The following PLA2R1 variants were observed in gnomAD, a reference collection of about 807,000 sequenced individuals.
PLA2R1 encodes the protein phospholipase A2 receptor 1.
A neutral mutation model predicts 195.9 loss-of-function variants in PLA2R1; 158 were observed. The observed-to-expected ratio is 0.81, with a 90% CI of 0.71 to 0.92. The LOEUF (loss-of-function observed/expected upper bound fraction) is 0.92. Ranked by LOEUF, PLA2R1 falls within the 40% of genes least tolerant of loss-of-function variation. The pLI, the probability that PLA2R1 is intolerant of heterozygous loss-of-function variation, is 0.00. For synonymous variants in PLA2R1, 586 were observed against 598.2 expected (o/e 0.98, Z 0.30); for missense variants, 1,626 against 1,764.6 (o/e 0.92, Z 1.41).
At chr2:159,927,967 T>A (rs1686524322), downstream of PLA2R1, among the ~76,000 whole-genome samples, 3 of 152,340 alleles carry the variant, frequency 2.0e-5, no homozygotes, top group South Asian at 4.1e-4. Flanking sequence ...AGATTTGTGA[T>A]CTCTCAAATA....
chr2:159,948,642 C>CAAAAA (rs56329076), intron 25 of PLA2R1, among the ~76,000 whole-genome samples: 2 of 95,774 alleles, frequency 2.1e-5, no homozygotes, highest in Admixed American at 1.2e-4. Flanking sequence ...CAAGTGCTAA[C>CAAAAA]AAAAAAAAAA....
At chr2:159,977,518 A>T (rs1352276642) in intron 14 of PLA2R1, 102 bp from the exon 15 acceptor site, 8 of 885,008 alleles carry the variant, frequency 9.0e-6, no homozygotes, top group Non-Finnish European at 1.4e-5. Context: ...AGGCTACTCC[A>T]GGAAGCTTCA....
intron 25 of PLA2R1, among the ~76,000 whole-genome samples, chr2:159,947,876 G>A (rs1272134536): frequency 6.7e-6 from 1 of 148,806 alleles, no homozygotes; most frequent in Admixed American, 6.7e-5. Flanking sequence ...GAACAAGCAG[G>A]GGCTATGACT....
At chr2:160,019,734 T>C (rs955790732) in intron 8 of PLA2R1, among the ~76,000 whole-genome samples, 1 of 152,234 alleles carries the variant, frequency 6.6e-6, no homozygotes, top group African/African-American at 2.4e-5. Context: ...TGGCAAGTCT[T>C]GGTCTGCCTT....
rs1686918097 is a variant in PLA2R1 at position 159,938,092 on chromosome 2, T to C, written c.*3686A>G. 6.6e-6 allele frequency: 1 copy of C among 152,192 alleles called. No homozygotes were observed. 9.4% of individuals were successfully genotyped at this position (152,192 alleles called of 1,614,324 possible). On this transcript the variant is annotated 3_prime_UTR_variant, in exon 30 of 30. Transcript: ENST00000283243. ...ATACATGAAGATTCTGGAAATTAAG[T>C]TTCTTAAATACCCATGCTCCTGTAT...
rs180756336 is a variant in PLA2R1, at chr2:160,005,233, T to C, written c.1834+419A>G. Among the ~76,000 whole-genome samples, 428 of 152,196 alleles carry C rather than the reference T, an allele frequency of 2.8e-3. 1 individual carries two copies. The highest frequency in any genetic ancestry group is 4.5e-3 in the Non-Finnish European group (309 of 68,004). The stretch of plus-strand genomic sequence containing the variant: ...ACTTTGGGAGGCCAAGGTGGGAGGA[T>C]TGCTTGAGCCCAGGAGTTCAATATC... On this transcript the variant is annotated intron_variant, in intron 11 of 29. Transcript: ENST00000283243.
At chr2:159,975,824 CAA>C (rs1205443398) in intron 17 of PLA2R1, among the ~76,000 whole-genome samples, 4 of 151,866 alleles carry the variant, frequency 2.6e-5, no homozygotes, top group Non-Finnish European at 5.9e-5. Context: ...TTGTTGCTAA[CAA>C]AGAATGAAGA....
At chr2:159,958,638 C>A (rs951330928) in intron 20 of PLA2R1, among the ~76,000 whole-genome samples, 1 of 152,148 alleles carries the variant, frequency 6.6e-6, no homozygotes, top group Non-Finnish European at 1.5e-5. Flanking sequence ...AGACAACAGA[C>A]CCTAAAATGG....
At chr2:159,942,584 T>A (rs1172717524) in intron 28 of PLA2R1, among the ~76,000 whole-genome samples, 7 of 152,228 alleles carry the variant, frequency 4.6e-5, no homozygotes, top group Non-Finnish European at 1.0e-4. Context: ...GGATCTTATA[T>A]GGAGTTTGTC....
rs375112412 is a variant in PLA2R1, at chr2:159,939,506, A to G, written c.*2272T>C. On this transcript the variant is annotated 3_prime_UTR_variant, in exon 30 of 30. Transcript: ENST00000283243. ...GGCAACAGAGCAAGACTCCATCTCC[A>G]AAAAAAAAAAAAAAAAATGAAAAAA... 1.3e-5 allele frequency: 1 copy of G among 77,034 alleles called. No homozygotes were observed. Among genetic ancestry groups the G allele is most frequent in the African/African-American group, 4.5e-5 (1 of 22,446 alleles). The allele number at this position is 77,034 out of a possible 1,614,324, so 4.8% of individuals were successfully genotyped here. A position where few individuals can be genotyped will look rare whatever the true frequency, so the allele number is the denominator to read the frequency against.
intron 20 of PLA2R1, among the ~76,000 whole-genome samples, chr2:159,960,056 C>G (rs1431707472): frequency 6.6e-6 from 1 of 152,156 alleles, no homozygotes; most frequent in African/African-American, 2.4e-5. Context: ...TTTCCCACTG[C>G]TCTTAGGATA....
At chr2:159,967,343 T>C (rs532639037) in intron 20 of PLA2R1, among the ~76,000 whole-genome samples, 196 bp downstream of exon 20, 1 of 152,286 alleles carries the variant, frequency 6.6e-6, no homozygotes, top group Non-Finnish European at 1.5e-5. Context: ...GTCCAGGCTG[T>C]TTTTGACAAA....
In PLA2R1 at chr2:160,013,330, G is replaced by A. The variant is rs539119852; in HGVS notation, c.1597C>T (p.Leu533Phe). Reference protein sequence around the residue: ...GGFCYKIDTVLRSFDQASSGY... With the variant: ...GGFCYKIDTVFRSFDQASSGY... ...CTGGAAGCTTGGTCAAAGCTTCGAA[G>A]GACTGTGTCAATTTTGTAACAGAAT... is the stretch of plus-strand genomic sequence containing the variant. Residue 533 changes from leucine (L) to phenylalanine (F), a missense_variant, in exon 10 of 30, where the codon CTT becomes TTT. Coordinates refer to ENST00000283243, the MANE Select transcript of PLA2R1 (RefSeq NM_007366.5). 2.5e-6 allele frequency: 4 copies of A among 1,611,200 alleles called. No individual in the cohort carries two copies. Among genetic ancestry groups the A allele is most frequent in the African/African-American group, 1.3e-5 (1 of 74,972 alleles).
rs1464233313 is a variant in PLA2R1 at position 160,042,792 on chromosome 2, TGTGTGTGC to T, written c.494-602_494-595del. 1.2e-4 allele frequency among the ~76,000 whole-genome samples: 9 copies of T among 77,756 alleles called. No homozygotes were observed. In the East Asian group the frequency reaches 3.6e-3, roughly 31 times the overall value. 51.0% of individuals were successfully genotyped at this position (77,756 alleles called of 152,430 possible). A position where few individuals can be genotyped will look rare whatever the true frequency, so the allele number is the denominator to read the frequency against. On this transcript the variant is annotated intron_variant, in intron 2 of 29. Transcript: ENST00000283243. ...TAGGATGAGAAGACAGAGTGGGGTG[TGTGTGTGC>T]GTGTGTGTGTGTGTGTGTGTGTGTG...
In PLA2R1 at chr2:160,042,215, T is replaced by C. The variant is rs1325201782; in HGVS notation, c.494-17A>G. The stretch of plus-strand genomic sequence containing the variant: ...TATGCAAATCTAGGAGAAAGAAATG[T>C]ACAAAGTCAGATAAGTATGATGTCA... On this transcript the variant is annotated splice_polypyrimidine_tract_variant and intron_variant, in intron 2 of 29. Coordinates refer to ENST00000283243, the MANE Select transcript of PLA2R1 (RefSeq NM_007366.5). 5 of 1,605,474 alleles carry C rather than the reference T, an allele frequency of 3.1e-6. No homozygotes were observed. Among genetic ancestry groups the C allele is most frequent in the South Asian group, 1.1e-5 (1 of 90,420 alleles).
rs1248911739 is a variant in PLA2R1 at position 159,944,893 on chromosome 2, T to C, written c.4144+13A>G. The C allele has an allele frequency of 1.7e-5, 27 of 1,597,842 alleles. No homozygotes were observed. The highest frequency in any genetic ancestry group is 3.3e-5 in the Admixed American group (2 of 59,838). Reference sequence around the variant, plus strand: ...AGAATCAAAATGAAGAATTACTCTCTGACTTTACCTACCTGCCTCCATTTT... The same window carrying C: ...AGAATCAAAATGAAGAATTACTCTCCGACTTTACCTACCTGCCTCCATTTT... On this transcript the variant is annotated intron_variant, in intron 28 of 29. Coordinates refer to ENST00000283243, the MANE Select transcript of PLA2R1 (RefSeq NM_007366.5).
chr2:160,006,201 C>T (rs1457612716), intron 10 of PLA2R1, among the ~76,000 whole-genome samples: 1 of 152,040 alleles, frequency 6.6e-6, no homozygotes, highest in African/African-American at 2.4e-5. Flanking sequence ...ACAATATGCA[C>T]GGGGTAAAGG....
chr2:159,947,209 C>T (rs1687444866), intron 26 of PLA2R1, among the ~76,000 whole-genome samples: 1 of 152,192 alleles, frequency 6.6e-6, no homozygotes, highest in Non-Finnish European at 1.5e-5. Context: ...GAGACATCAT[C>T]TTAGGTTTCC....
Position 159,970,230 on chromosome 2 carries a change from G to A in PLA2R1, c.2596-18C>T, listed in dbSNP as rs778403942. ...TTTGATAGCTATTGAAAGAAAAAAA[G>A]TCAGCATTTATTCTACTTGTTTTCC... On this transcript the variant is annotated intron_variant, in intron 17 of 29. Coordinates refer to ENST00000283243, the MANE Select transcript of PLA2R1 (RefSeq NM_007366.5). 1.3e-6 allele frequency: 2 copies of A among 1,586,916 alleles called. No individual in the cohort carries two copies. The highest frequency in any genetic ancestry group is 2.2e-5 in the East Asian group (1 of 44,516).
Sources: allele counts gnomAD v4.1 joint callset (sites outside exome capture counted in the v4.1 genomes callset), GRCh38; gene constraint gnomAD v4.1.1; transcripts MANE v1.5; gene names NCBI Gene and HGNC (gene_info 2026-07-23, HGNC 2026-07-21).